RBM47: variants seen among roughly 807,000 people sequenced by gnomAD.
RBM47 encodes RNA binding motif protein 47.
RBM47 carries 21 observed loss-of-function variants against 47.1 expected under a neutral mutation model. The ratio of observed to expected loss-of-function variants is 0.45; its 90% CI spans 0.32 to 0.64. RBM47 has a LOEUF of 0.64. Ranked by LOEUF, RBM47 falls within the 30% of genes least tolerant of loss-of-function variation. The pLI is 0.05. For synonymous variants in RBM47, 375 were observed against 361.7 expected (o/e 1.04, Z -0.42); for missense variants, 708 against 870.9 (o/e 0.81, Z 2.35).
chr4:40,599,233 G>A (rs1293859633), intron 1 of RBM47, among the ~76,000 whole-genome samples: 1 of 149,086 alleles, frequency 6.7e-6, no homozygotes, highest in East Asian at 1.9e-4. Context: ...ACTCCAGCCT[G>A]GGCGATAGAA....
rs796148873 is a variant in RBM47, at chr4:40,457,432, A to C, written c.-32+9145T>G. On this transcript the variant is annotated intron_variant, in intron 3 of 6. Coordinates refer to ENST00000295971, the MANE Select transcript of RBM47 (RefSeq NM_001098634.2). Reference sequence around the variant, plus strand: ...AGTGAGACTCCATCTCAAAAAAAAAAAAAAAACAAAAAAAAGGCATTTTAA... The same window carrying C: ...AGTGAGACTCCATCTCAAAAAAAAACAAAAAACAAAAAAAAGGCATTTTAA... Among the ~76,000 whole-genome samples the C allele has an allele frequency of 4.0e-5, 6 of 151,732 alleles. No homozygotes were observed. In the South Asian group the frequency reaches 6.2e-4, roughly 16 times the overall value.
chr4:40,487,160 C>G (rs1721201393), intron 2 of RBM47, among the ~76,000 whole-genome samples: 1 of 152,080 alleles, frequency 6.6e-6, no homozygotes, highest in African/African-American at 2.4e-5. Flanking sequence ...CTCAGTGGAG[C>G]CTTCATGGGG....
chr4:40,546,614 A>G (rs907337000), intron 1 of RBM47, among the ~76,000 whole-genome samples: 1 of 152,188 alleles, frequency 6.6e-6, no homozygotes, highest in Non-Finnish European at 1.5e-5. Context: ...CTCAGTAATC[A>G]TTTGTTCCAA....
intron 2 of RBM47, among the ~76,000 whole-genome samples, chr4:40,527,511 G>A (rs991688234): frequency 2.8e-4 from 36 of 130,730 alleles, no homozygotes; most frequent in Non-Finnish European, 4.6e-4. Context: ...GGCTGGTCTT[G>A]AACTCCTGAC....
chr4:40,544,879 T>A (rs187436744), intron 1 of RBM47, among the ~76,000 whole-genome samples: 62 of 152,084 alleles, frequency 4.1e-4, no homozygotes, highest in African/African-American at 1.1e-3. Flanking sequence ...GAGACCAACC[T>A]GGGCAATATA....
intron 2 of RBM47, among the ~76,000 whole-genome samples, chr4:40,512,413 C>CAAAA (rs33930819): frequency 7.1e-5 from 4 of 56,114 alleles, no homozygotes; most frequent in African/African-American, 2.4e-4. Flanking sequence ...AACTCCATCT[C>CAAAA]AAAAAAAAAA....
intron 5 of RBM47, among the ~76,000 whole-genome samples, chr4:40,434,368 G>T (rs1196718516): frequency 7.2e-5 from 11 of 152,120 alleles, no homozygotes; most frequent in Non-Finnish European, 1.6e-4. Context: ...AGAGAGGGTT[G>T]TGAGTTTAAG....
In RBM47 at chr4:40,432,850, G is replaced by A. The variant is rs1711564707; in HGVS notation, c.1343C>T (p.Ala448Val). ...AAACATGGAATACTGAGCCCCAATG[G>A]CAGGGATGGCTACTGCAAGAGAAGC... is the stretch of plus-strand genomic sequence containing the variant. ...AIKPGTVAIP[A>V]IGAQYSMFPA... Residue 448 changes from alanine to valine, a missense_variant, in exon 6 of 7, where the codon GCC becomes GTC. Coordinates refer to ENST00000295971, the MANE Select transcript of RBM47 (RefSeq NM_001098634.2). The A allele has an allele frequency of 6.2e-7, 1 of 1,612,992 alleles. No homozygotes were observed. Among genetic ancestry groups the A allele is most frequent in the African/African-American group, 1.3e-5 (1 of 74,850 alleles).
chr4:40,574,255 T>G (rs769477404), intron 1 of RBM47, among the ~76,000 whole-genome samples: 7 of 152,218 alleles, frequency 4.6e-5, no homozygotes, highest in African/African-American at 1.2e-4. Context: ...AGAAATAGAC[T>G]GGGTAAAACT....
At chr4:40,479,589 G>A (rs889970602) in intron 2 of RBM47, among the ~76,000 whole-genome samples, 2 of 148,804 alleles carry the variant, frequency 1.3e-5, no homozygotes, top group Non-Finnish European at 3.0e-5. Context: ...GTGAGATCCT[G>A]TCTCAAAAAT....
intron 2 of RBM47, among the ~76,000 whole-genome samples, chr4:40,490,636 G>A (rs895910025): frequency 1.3e-5 from 2 of 151,996 alleles, no homozygotes; most frequent in South Asian, 2.1e-4. Flanking sequence ...TTAGCCGGGC[G>A]TGGTGGCGCC....
chr4:40,445,874 G>T (rs1359931511), intron 3 of RBM47, among the ~76,000 whole-genome samples: 1 of 152,170 alleles, frequency 6.6e-6, no homozygotes, highest in Non-Finnish European at 1.5e-5. Flanking sequence ...GTATACTTCA[G>T]AAGTAGAAAC....
intron 1 of RBM47, among the ~76,000 whole-genome samples, chr4:40,577,682 A>G (rs1195573292): frequency 6.6e-6 from 1 of 151,666 alleles, no homozygotes; most frequent in Non-Finnish European, 1.5e-5. Context: ...TGATAGTCAC[A>G]AAGAAACAGG....
intron 2 of RBM47, among the ~76,000 whole-genome samples, chr4:40,518,658 C>A (rs1190831967): frequency 1.3e-5 from 2 of 152,264 alleles, no homozygotes; most frequent in East Asian, 3.9e-4. Context: ...CTGAGTCACA[C>A]TCTCATGCAC....
chr4:40,577,619 G>T, intron 1 of RBM47, among the ~76,000 whole-genome samples: 1 of 144,642 alleles, frequency 6.9e-6, no homozygotes, highest in African/African-American at 2.6e-5. Context: ...TCCCTTTCCT[G>T]ATCCTCCCTT....
intron 2 of RBM47, among the ~76,000 whole-genome samples, chr4:40,519,548 C>T (rs1261372784): frequency 1.3e-5 from 2 of 151,770 alleles, no homozygotes; most frequent in Non-Finnish European, 2.9e-5. Context: ...CTGCCCACCT[C>T]GGCCTCCCAA....
In RBM47 at chr4:40,423,661, TTTCTTTCTTTCTTTCTTTC is replaced by T. The variant is rs1714646935; in HGVS notation, c.*2224_*2242del. The T allele has an allele frequency of 3.6e-5, 1 of 28,090 alleles. No individual in the cohort carries two copies. Among genetic ancestry groups the T allele is most frequent in the Non-Finnish European group, 7.3e-5 (1 of 13,656 alleles). 1.7% of individuals were successfully genotyped at this position (28,090 alleles called of 1,614,324 possible). A position where few individuals can be genotyped will look rare whatever the true frequency, so the allele number is the denominator to read the frequency against. ...TTTATTCTTTCTTTCTTTTTCTTTC[TTTCTTTCTTTCTTTCTTTC>T]TTTCTTTCTTTCTTTCTTTCTTTCT... On this transcript the variant is annotated 3_prime_UTR_variant, in exon 7 of 7. Coordinates refer to ENST00000295971, the MANE Select transcript of RBM47 (RefSeq NM_001098634.2).
intron 3 of RBM47, among the ~76,000 whole-genome samples, chr4:40,464,979 A>G (rs1199576127): frequency 6.6e-6 from 1 of 150,906 alleles, no homozygotes; most frequent in Admixed American, 6.6e-5. Context: ...TTCTGGTTAT[A>G]TTTGGATTGT....
At chr4:40,464,784 G>A (rs1319569773) in intron 3 of RBM47, among the ~76,000 whole-genome samples, 1 of 150,180 alleles carries the variant, frequency 6.7e-6, no homozygotes, top group Non-Finnish European at 1.5e-5. Context: ...CCAGCTACTC[G>A]GGAGGCTGAG....
Sources: allele counts gnomAD v4.1 joint callset (sites outside exome capture counted in the v4.1 genomes callset), GRCh38; gene constraint gnomAD v4.1.1; transcripts MANE v1.5; gene names NCBI Gene and HGNC (gene_info 2026-07-23, HGNC 2026-07-21).